Variants in SEPHS1 observed in about 807,000 individuals in gnomAD.
SEPHS1 encodes selenophosphate synthetase 1.
Under a neutral mutation model 39.2 loss-of-function variants are expected in SEPHS1, and 7 were observed. That is an observed-to-expected ratio of 0.18 (90% CI 0.10 to 0.34). SEPHS1 has a LOEUF of 0.34. Ranked by LOEUF, SEPHS1 falls within the 10% of genes least tolerant of loss-of-function variation. The probability of loss-of-function intolerance (pLI) is 1.00; values close to 1 mark genes in which losing one functional copy is unlikely to be tolerated. For synonymous variants in SEPHS1, 190 were observed against 195.5 expected (o/e 0.97, Z 0.23); for missense variants, 253 against 514.5 (o/e 0.49, Z 4.92).
chr10:13,348,207 C>T lies in SEPHS1; in HGVS notation c.-286G>A, dbSNP rs1300165226. Reference sequence around the variant, plus strand: ...CGGCCCTGCGGGAGCCGGGCCGCCGCGCTCCCGCCGGCTGGGCGCGCGGGG... The same window carrying T: ...CGGCCCTGCGGGAGCCGGGCCGCCGTGCTCCCGCCGGCTGGGCGCGCGGGG... On this transcript the variant is annotated 5_prime_UTR_variant, in exon 1 of 9. Transcript: ENST00000327347. 2.1e-5 allele frequency: 3 copies of T among 145,594 alleles called. No individual in the cohort carries two copies. The East Asian group carries it at 6.2e-4, about 30-fold the overall frequency. The allele number at this position is 145,594 out of a possible 1,614,324, so 9.0% of individuals were successfully genotyped here.
At chr10:13,335,850 C>T (rs952264426) in intron 4 of SEPHS1, among the ~76,000 whole-genome samples, 1 of 137,484 alleles carries the variant, frequency 7.3e-6, no homozygotes, top group South Asian at 2.3e-4. Flanking sequence ...TGTGGTGGTA[C>T]GTGCCTGTAA....
chr10:13,328,305 C>A, intron 7 of SEPHS1, 46 bp downstream of exon 7: 1 of 1,300,762 alleles, frequency 7.7e-7, no homozygotes, highest in Non-Finnish European at 1.1e-6. Flanking sequence ...AAGACATTTA[C>A]TGTCTTGGAC....
intron 7 of SEPHS1, among the ~76,000 whole-genome samples, chr10:13,323,288 CTA>C (rs1833168427): frequency 6.6e-6 from 1 of 152,110 alleles, no homozygotes; most frequent in South Asian, 2.1e-4. Context: ...ACTAAAAAAA[CTA>C]TGCAGAGGGA....
Position 13,319,007 on chromosome 10 carries a change from T to G in SEPHS1, c.*135A>C, listed in dbSNP as rs1404053737. ...AATGGATTTTATTTTATTAATTGTA[T>G]CCACTTACAAACCGACCTAAGGTCA... On this transcript the variant is annotated 3_prime_UTR_variant, in exon 9 of 9. Transcript: ENST00000327347. The G allele has an allele frequency of 4.0e-6, 3 of 759,138 alleles. No individual in the cohort carries two copies. In the East Asian group the frequency reaches 8.2e-5, roughly 21 times the overall value. 47.0% of individuals were successfully genotyped at this position (759,138 alleles called of 1,614,324 possible).
chr10:13,334,319 T>C (rs1422320335), intron 4 of SEPHS1, among the ~76,000 whole-genome samples: 1 of 151,998 alleles, frequency 6.6e-6, no homozygotes, highest in Non-Finnish European at 1.5e-5. Context: ...GGCGGGCAGA[T>C]CACCTGAGGT....
In SEPHS1 at chr10:13,325,769, C is replaced by T. The variant is rs1002993076; in HGVS notation, c.751+2582G>A. Among the ~76,000 whole-genome samples, 6 of 151,392 alleles carry T rather than the reference C, an allele frequency of 4.0e-5. No individual in the cohort carries two copies. In the East Asian group the frequency reaches 7.8e-4, roughly 20 times the overall value. On this transcript the variant is annotated intron_variant, in intron 7 of 8. Transcript: ENST00000327347. ...AAAATTAGTGGGGTGTGGTGGCGTG[C>T]GCCCTGTAATCCCAGCTACTCCAGA... is the stretch of plus-strand genomic sequence containing the variant.
chr10:13,345,083 C>T (rs936688554), intron 1 of SEPHS1, 55 bp from the exon 2 acceptor site: 2 of 776,214 alleles, frequency 2.6e-6, no homozygotes, highest in South Asian at 3.2e-5. Flanking sequence ...CTGGGACCTG[C>T]CAGCGAATCA....
chr10:13,337,121 A>T (rs1282892647), intron 3 of SEPHS1, among the ~76,000 whole-genome samples: 3 of 152,212 alleles, frequency 2.0e-5, no homozygotes, highest in Non-Finnish European at 4.4e-5. Context: ...ACTGCACTCT[A>T]GCCTGGGCAA....
chr10:13,323,706 A>T (rs1482623142), intron 7 of SEPHS1, among the ~76,000 whole-genome samples: 2 of 151,954 alleles, frequency 1.3e-5, no homozygotes, highest in African/African-American at 2.4e-5. Context: ...CTCCCGCGAA[A>T]GGTGAATTGC....
chr10:13,337,474 C>T (rs895444109), intron 3 of SEPHS1, among the ~76,000 whole-genome samples: 1 of 152,170 alleles, frequency 6.6e-6, no homozygotes, highest in African/African-American at 2.4e-5. Context: ...TAAGGATAAT[C>T]AAACTCCCAA....
chr10:13,324,422 G>GT (rs1168036123), intron 7 of SEPHS1, among the ~76,000 whole-genome samples: 3 of 152,202 alleles, frequency 2.0e-5, no homozygotes, highest in African/African-American at 4.8e-5. Context: ...TTGTGTGAAT[G>GT]TAAGTTTTCA....
rs995125079 is a variant in SEPHS1 at position 13,348,183 on chromosome 10, G to C, written c.-262C>G. The C allele has an allele frequency of 6.9e-6, 1 of 144,454 alleles. No homozygotes were observed. Among genetic ancestry groups the C allele is most frequent in the East Asian group, 2.1e-4 (1 of 4,820 alleles). 8.9% of individuals were successfully genotyped at this position (144,454 alleles called of 1,614,324 possible). On this transcript the variant is annotated 5_prime_UTR_variant, in exon 1 of 9. Transcript: ENST00000327347. ...CGCGGGGGCTCGCCTGCCTCGGCGC[G>C]GCCCTGCGGGAGCCGGGCCGCCGCG...
intron 1 of SEPHS1, chr10:13,347,207 G>C (rs1333150759): frequency 1.3e-5 from 2 of 151,534 alleles, no homozygotes; most frequent in South Asian, 2.1e-4. Context: ...TTCTTCCAAC[G>C]AGCGTGGGGA....
chr10:13,320,485 T>C (rs1359933266), intron 8 of SEPHS1, among the ~76,000 whole-genome samples: 2 of 149,564 alleles, frequency 1.3e-5, no homozygotes, highest in Non-Finnish European at 3.0e-5. Flanking sequence ...CGGGCCAAAA[T>C]TTATTTCTCT....
At position 13,332,572 on chromosome 10, in the gene SEPHS1, G is replaced by A. The variant is rs561219001; in HGVS notation, c.560+1245C>T. ...AAAACCTAAAATGTCAGCCGGGCGCGGTGGCTCACGCCTGTAATCCCAGCA... is the reference window on the plus strand; with the variant it reads ...AAAACCTAAAATGTCAGCCGGGCGCAGTGGCTCACGCCTGTAATCCCAGCA... On this transcript the variant is annotated intron_variant, in intron 5 of 8. Coordinates refer to ENST00000327347, the MANE Select transcript of SEPHS1 (RefSeq NM_012247.5). Among the ~76,000 whole-genome samples, 19 of 152,266 alleles carry A rather than the reference G, an allele frequency of 1.2e-4. No homozygotes were observed. The South Asian group carries it at 3.5e-3, about 28-fold the overall frequency.
intron 4 of SEPHS1, among the ~76,000 whole-genome samples, chr10:13,335,888 G>C (rs1833614206): frequency 6.6e-6 from 1 of 150,394 alleles, no homozygotes; most frequent in African/African-American, 2.4e-5. Context: ...GCTGAGGCAG[G>C]AGAATTGTTT....
At chr10:13,335,028 A>C (rs1235504580) in intron 4 of SEPHS1, among the ~76,000 whole-genome samples, 1 of 152,246 alleles carries the variant, frequency 6.6e-6, no homozygotes, top group Non-Finnish European at 1.5e-5. Flanking sequence ...ACCACTGATG[A>C]CTACAGCCCA....
Position 13,322,897 on chromosome 10 carries a change from G to A in SEPHS1, c.902C>T (p.Ala301Val). 2 of 1,613,926 alleles carry A rather than the reference G, an allele frequency of 1.2e-6. No individual in the cohort carries two copies. The highest frequency in any genetic ancestry group is 1.7e-6 in the Non-Finnish European group (2 of 1,179,868). The change falls in exon 8 of 9, where the codon GCG becomes GTG. Residue 301 changes from alanine to valine, a missense_variant. Transcript: ENST00000327347. Reference sequence around the variant, plus strand: ...CATGTTTCCGCAGGCCTTGCTCACCGCAGCCATCTTGGCCAGCACCGGGAG... The same window carrying A: ...CATGTTTCCGCAGGCCTTGCTCACCACAGCCATCTTGGCCAGCACCGGGAG... ...HNLPVLAKMA[A>V]VSKACGNMFG...
intron 2 of SEPHS1, among the ~76,000 whole-genome samples, chr10:13,339,768 C>G (rs1391038376): frequency 6.6e-6 from 1 of 152,170 alleles, no homozygotes; most frequent in East Asian, 1.9e-4. Context: ...ACCTATGACA[C>G]CCAATACGAT....
Sources: gnomAD v4.1 joint callset for allele counts (sites outside exome capture counted in the v4.1 genomes callset) on GRCh38, gnomAD v4.1.1 for gene constraint, MANE v1.5 for transcripts, NCBI Gene and HGNC (gene_info 2026-07-23, HGNC 2026-07-21) for gene names.